Variants in SPDL1 observed in about 807,000 individuals in gnomAD.
SPDL1 encodes the protein protein Spindly.
A neutral mutation model predicts 79.5 loss-of-function variants in SPDL1; 85 were observed. That is an observed-to-expected ratio of 1.07 (90% CI 0.90 to 1.28). The LOEUF is 1.28. Among genes scored for constraint, SPDL1 ranks in the 50% most tolerant of loss-of-function variants. The probability of loss-of-function intolerance (pLI) is 0.00; values close to 1 mark genes in which losing one functional copy is unlikely to be tolerated. For synonymous variants in SPDL1, 269 were observed against 240.3 expected (o/e 1.12, Z -1.10); for missense variants, 703 against 697.8 (o/e 1.01, Z -0.08).
In SPDL1 at chr5:169,594,136, G is replaced by A. The variant is rs753730976; in HGVS notation, c.532-9G>A. Reference sequence around the variant, plus strand: ...GAGAATTTCCTCCTTTTCAATTCCTGTTAAATAGACCACCCTCAAAGAAGA... The same window carrying A: ...GAGAATTTCCTCCTTTTCAATTCCTATTAAATAGACCACCCTCAAAGAAGA... On this transcript the variant is annotated splice_polypyrimidine_tract_variant and intron_variant, in intron 4 of 11. Transcript: ENST00000265295. 7.5e-6 allele frequency: 12 copies of A among 1,596,368 alleles called. No individual in the cohort carries two copies. Among genetic ancestry groups the A allele is most frequent in the Non-Finnish European group, 1.0e-5 (12 of 1,174,678 alleles).
chr5:169,599,985 G>T (rs1755798444), intron 10 of SPDL1, among the ~76,000 whole-genome samples: 1 of 152,176 alleles, frequency 6.6e-6, no homozygotes, highest in South Asian at 2.1e-4. Flanking sequence ...GACTGAGCTG[G>T]AAAGTAGCCT....
At position 169,598,552 on chromosome 5, in the gene SPDL1, T is replaced by A; in HGVS notation, c.1109T>A (p.Leu370Ter). Residue 370 changes from leucine to a stop codon, truncating the protein, a stop_gained, in exon 9 of 12, where the codon TTA (leucine) becomes TAA (stop). Coordinates refer to ENST00000265295, the MANE Select transcript of SPDL1 (RefSeq NM_017785.5). LOFTEE classifies it high-confidence loss of function. ...GAAGATAACACCTATTATACAGATT[T>A]ACTTCAGATGAAGCTGGATAACTTA... ...TLEDNTYYTD[L>*]LQMKLDNLNK... 6.2e-7 allele frequency: 1 copy of A among 1,612,430 alleles called. No individual in the cohort carries two copies. Among genetic ancestry groups the A allele is most frequent in the Non-Finnish European group, 8.5e-7 (1 of 1,178,594 alleles).
intron 2 of SPDL1, 117 bp downstream of exon 2, chr5:169,588,692 C>A: frequency 1.2e-6 from 1 of 818,594 alleles, no homozygotes; most frequent in East Asian, 2.9e-5. Context: ...GATCTAGTTC[C>A]CGCCCTGCCC....
In SPDL1 at chr5:169,588,372, G is replaced by C. The variant is rs185178448; in HGVS notation, c.-23-22G>C. The C allele has an allele frequency of 3.9e-5, 60 of 1,541,064 alleles. 1 individual carries two copies. Among genetic ancestry groups the C allele is most frequent in the African/African-American group, 5.6e-5 (4 of 71,954 alleles). On this transcript the variant is annotated intron_variant, in intron 1 of 11. Transcript: ENST00000265295. ...GGAGTTTTTTGTATAAGCTTAAGTA[G>C]TTTTATTTCCTCTATTTACAGTTGG...
chr5:169,604,712 G>A lies in SPDL1; in HGVS notation c.*505G>A, dbSNP rs535478260. 1.3e-5 allele frequency: 2 copies of A among 152,108 alleles called. No individual in the cohort carries two copies. Among genetic ancestry groups the A allele is most frequent in the East Asian group, 3.9e-4 (2 of 5,182 alleles). 9.4% of individuals were successfully genotyped at this position (152,108 alleles called of 1,614,324 possible). ...GTTTAAAGAACCAATGTTCATCTTTGTATTTATATACATGATTTAAATTTT... is the reference window on the plus strand; with the variant it reads ...GTTTAAAGAACCAATGTTCATCTTTATATTTATATACATGATTTAAATTTT... On this transcript the variant is annotated 3_prime_UTR_variant, in exon 12 of 12. Coordinates refer to ENST00000265295, the MANE Select transcript of SPDL1 (RefSeq NM_017785.5).
At position 169,604,189 on chromosome 5, in the gene SPDL1, C is replaced by G; in HGVS notation, c.1800C>G (p.Thr600=). Residue 600 remains threonine (T), a synonymous_variant, in exon 12 of 12, where the codon ACC becomes ACG. Coordinates refer to ENST00000265295, the MANE Select transcript of SPDL1 (RefSeq NM_017785.5). ...LYVSSKSTPE[T]QCPQQ ...TGTCTTCTAAATCTACTCCAGAGAC[C>G]CAGTGCCCTCAACAGTAAAGACTTG... The G allele has an allele frequency of 3.1e-6, 5 of 1,598,016 alleles. No homozygotes were observed. The highest frequency in any genetic ancestry group is 4.3e-6 in the Non-Finnish European group (5 of 1,174,020).
chr5:169,593,890 T>C (rs1314225962), intron 4 of SPDL1, among the ~76,000 whole-genome samples: 1 of 152,182 alleles, frequency 6.6e-6, no homozygotes, highest in Non-Finnish European at 1.5e-5. Flanking sequence ...GGTTTTTTCA[T>C]TGAAAGCTAA....
intron 2 of SPDL1, 32 bp from the exon 3 acceptor site, chr5:169,591,016 T>C (rs762835365): frequency 1.5e-5 from 24 of 1,558,804 alleles, no homozygotes; most frequent in Non-Finnish European, 2.0e-5. Flanking sequence ...GCTATTTTTA[T>C]GTAATTGAAT....
intron 4 of SPDL1, 45 bp from the exon 5 acceptor site, chr5:169,594,100 A>G (rs759219679): frequency 6.6e-7 from 1 of 1,522,214 alleles, no homozygotes; most frequent in African/African-American, 1.4e-5. Context: ...GCCAAATGAA[A>G]GATTATTCAA....
chr5:169,594,132 T>G lies in SPDL1; in HGVS notation c.532-13T>G, dbSNP rs777721837. The G allele has an allele frequency of 1.3e-6, 2 of 1,582,938 alleles. No homozygotes were observed. Among genetic ancestry groups the G allele is most frequent in the South Asian group, 2.3e-5 (2 of 85,186 alleles). On this transcript the variant is annotated splice_polypyrimidine_tract_variant and intron_variant, in intron 4 of 11. Transcript: ENST00000265295. The stretch of plus-strand genomic sequence containing the variant: ...TCAAGAGAATTTCCTCCTTTTCAAT[T>G]CCTGTTAAATAGACCACCCTCAAAG...
At chr5:169,590,658 A>C (rs981720302) in intron 2 of SPDL1, 2 of 454,802 alleles carry the variant, frequency 4.4e-6, no homozygotes, top group Non-Finnish European at 8.8e-6. Flanking sequence ...TTACTACTAC[A>C]TTGTGTTCAG....
chr5:169,601,694 G>A (rs1479368365), intron 11 of SPDL1, 69 bp downstream of exon 11: 3 of 1,323,028 alleles, frequency 2.3e-6, no homozygotes, highest in Non-Finnish European at 3.2e-6. Context: ...TGCATGAACT[G>A]TGCTGTCTGT....
In SPDL1 at chr5:169,596,702, G is replaced by GT; in HGVS notation, c.1032+2dup. 6.3e-7 allele frequency: 1 copy of GT among 1,593,214 alleles called. No homozygotes were observed. ...AATTAGAAATCTGGAGAAATTTAAG[G>GT]TATGTATAACAGTTAAAAAAACACA... is the stretch of plus-strand genomic sequence containing the variant. On this transcript the variant is annotated splice_donor_variant, in intron 8 of 11. Transcript: ENST00000265295. LOFTEE classifies it high-confidence loss of function.
chr5:169,604,419 G>A lies in SPDL1; in HGVS notation c.*212G>A, dbSNP rs966373578. The A allele has an allele frequency of 2.1e-5, 7 of 338,388 alleles. No individual in the cohort carries two copies. Among genetic ancestry groups the A allele is most frequent in the Non-Finnish European group, 3.2e-5 (6 of 187,768 alleles). The allele number at this position is 338,388 out of a possible 1,614,324, so 21.0% of individuals were successfully genotyped here. A position where few individuals can be genotyped will look rare whatever the true frequency, so the allele number is the denominator to read the frequency against. On this transcript the variant is annotated 3_prime_UTR_variant, in exon 12 of 12. Transcript: ENST00000265295. ...TGATGCCCCTTCATGGAGCTTCTATGACAGTGAATAAACTATTAATTGAAG... is the reference window on the plus strand; with the variant it reads ...TGATGCCCCTTCATGGAGCTTCTATAACAGTGAATAAACTATTAATTGAAG...
intron 11 of SPDL1, 113 bp from the exon 12 acceptor site, chr5:169,603,947 A>T: frequency 7.6e-6 from 9 of 1,185,972 alleles, no homozygotes; most frequent in Non-Finnish European, 1.1e-5. Flanking sequence ...AGTCAACTAT[A>T]TTTTTTTTCC....
In SPDL1 at chr5:169,600,117, C is replaced by G. The variant is rs148561474; in HGVS notation, c.1324+958C>G. Among the ~76,000 whole-genome samples the G allele has an allele frequency of 7.2e-5, 11 of 152,262 alleles. No individual in the cohort carries two copies. In the East Asian group the frequency reaches 2.1e-3, roughly 29 times the overall value. On this transcript the variant is annotated intron_variant, in intron 10 of 11. Coordinates refer to ENST00000265295, the MANE Select transcript of SPDL1 (RefSeq NM_017785.5). ...GTGATGGTTCTACAACACCCCTTCC[C>G]TAAAAGAGTGTTACATGTTTTAGGT... is the stretch of plus-strand genomic sequence containing the variant.
rs1048821892 is a variant in SPDL1, at chr5:169,604,645, G to T, written c.*438G>T. The T allele has an allele frequency of 2.4e-4, 37 of 152,080 alleles. No homozygotes were observed. The highest frequency in any genetic ancestry group is 8.5e-4 in the African/African-American group (35 of 41,408). 9.4% of individuals were successfully genotyped at this position (152,080 alleles called of 1,614,324 possible). A position where few individuals can be genotyped will look rare whatever the true frequency, so the allele number is the denominator to read the frequency against. On this transcript the variant is annotated 3_prime_UTR_variant, in exon 12 of 12. Coordinates refer to ENST00000265295, the MANE Select transcript of SPDL1 (RefSeq NM_017785.5). ...CTATGTTGTAAAAATAGGAAATGTG[G>T]CTTAAAATATATACATTATATTGTT...
intron 3 of SPDL1, 75 bp from the exon 4 acceptor site, chr5:169,593,279 C>A (rs1581299280): frequency 7.7e-7 from 1 of 1,299,550 alleles, no homozygotes; most frequent in South Asian, 1.6e-5. Flanking sequence ...AAGTTTGGTT[C>A]AATCAGTTCA....
intron 1 of SPDL1, among the ~76,000 whole-genome samples, chr5:169,584,367 A>C (rs1428970972): frequency 6.6e-6 from 1 of 152,210 alleles, no homozygotes; most frequent in African/African-American, 2.4e-5. Flanking sequence ...GATGGCTCCT[A>C]GAACATTTAA....
Sources: allele counts gnomAD v4.1 joint callset (sites outside exome capture counted in the v4.1 genomes callset), GRCh38; gene constraint gnomAD v4.1.1; transcripts MANE v1.5; gene names NCBI Gene and HGNC (gene_info 2026-07-23, HGNC 2026-07-21).